The following TPX2 variants were observed in gnomAD, a reference collection of about 807,000 sequenced individuals.
TPX2 encodes the protein TPX2 microtubule nucleation factor, also known as targeting protein for Xklp2.
A neutral mutation model predicts 93.6 loss-of-function variants in TPX2; 21 were observed. That is an observed-to-expected ratio of 0.22 (90% confidence interval 0.16 to 0.32). The LOEUF (loss-of-function observed/expected upper bound fraction) is 0.32, where lower values mean the gene tolerates loss of function less well. TPX2 is among the 10% of genes least tolerant of loss of function. The pLI, the probability that TPX2 is intolerant of heterozygous loss-of-function variation, is 1.00. For synonymous variants in TPX2, 281 were observed against 298.3 expected, an observed-to-expected ratio of 0.94 and a Z score of 0.60; for missense variants, 776 against 871.1, an observed-to-expected ratio of 0.89 and a Z score of 1.37.
intron 12 of TPX2, among the ~76,000 whole-genome samples, chr20:31,787,638 A>T (rs1275781216): frequency 6.6e-6 from 1 of 152,148 alleles, no homozygotes; most frequent in East Asian, 1.9e-4. Context: ...AAAGGGGAAG[A>T]GATTTTGAAA....
At chr20:31,769,212 A>T (rs2061948280) in intron 5 of TPX2, among the ~76,000 whole-genome samples, 1 of 151,930 alleles carries the variant, frequency 6.6e-6, no homozygotes. Context: ...TAATAATAAA[A>T]AAAAAAAACC....
intron 12 of TPX2, among the ~76,000 whole-genome samples, chr20:31,787,053 G>A (rs955863970): frequency 2.0e-5 from 3 of 151,892 alleles, no homozygotes; most frequent in African/African-American, 7.3e-5. Context: ...CTGACACGCA[G>A]TAAGCAGGGG....
At chr20:31,782,889 TACACACACACACACAC>T (rs71926112) in intron 11 of TPX2, among the ~76,000 whole-genome samples, 15 of 142,662 alleles carry the variant, frequency 1.1e-4, no homozygotes, top group Admixed American at 4.2e-4. Flanking sequence ...CATACACACA[TACACACACACACACAC>T]ACACACACAC....
At chr20:31,779,267 G>T (rs1051054730) in intron 10 of TPX2, among the ~76,000 whole-genome samples, 2 of 152,006 alleles carry the variant, frequency 1.3e-5, no homozygotes, top group Non-Finnish European at 2.9e-5. Context: ...ACATTTTTTT[G>T]CCATGTGTCA....
rs1309926768 is a variant in TPX2 at position 31,792,793 on chromosome 20, T to C, written c.1472T>C (p.Leu491Ser). The C allele has an allele frequency of 6.2e-7, 1 of 1,614,108 alleles. No homozygotes were observed. The highest frequency in any genetic ancestry group is 1.3e-5 in the African/African-American group (1 of 74,942). ...GTCCCCAAGTCACCAGCCTTTGCAT[T>C]GAAGAACAGAATTCGAATGCCCACC... Reference protein sequence around the residue: ...ITVPKSPAFALKNRIRMPTKE... With the variant: ...ITVPKSPAFASKNRIRMPTKE... The change falls in exon 13 of 18, where the codon TTG becomes TCG. Residue 491 changes from leucine (L) to serine (S), a missense_variant. Around this residue, in one of 3 missense-constraint regions of TPX2, gnomAD observed 461 missense variants for 551.2 expected, o/e 0.84. Coordinates refer to ENST00000300403, the MANE Select transcript of TPX2 (RefSeq NM_012112.5).
chr20:31,742,174 CTTTT>C (rs538601587), intron 1 of TPX2, among the ~76,000 whole-genome samples: 4 of 126,366 alleles, frequency 3.2e-5, no homozygotes, highest in Admixed American at 7.9e-5. Context: ...AAAGTTTGCT[CTTTT>C]TTTTTTTTTT....
chr20:31,746,423 T>G lies in TPX2; in HGVS notation c.-71+3776T>G, dbSNP rs146189597. 5.1e-3 allele frequency among the ~76,000 whole-genome samples: 779 copies of G among 152,338 alleles called. 5 individuals are homozygous for G. Among genetic ancestry groups the G allele is most frequent in the Middle Eastern group, 0.017 (5 of 294 alleles). On this transcript the variant is annotated intron_variant, in intron 2 of 17. Coordinates refer to ENST00000300403, the MANE Select transcript of TPX2 (RefSeq NM_012112.5). ...TAATGTAACAGGATCTCTTATCCCT[T>G]GTGAAAGTAGGAGAGGATGTCCCTG...
intron 6 of TPX2, 59 bp from the exon 7 acceptor site, chr20:31,771,501 A>G: frequency 6.4e-7 from 1 of 1,559,040 alleles, no homozygotes; most frequent in Non-Finnish European, 8.6e-7. Context: ...TTTGGGGAGG[A>G]GGGTACAGGC....
Position 31,801,159 on chromosome 20 carries a change from A to G in TPX2, c.*79A>G, listed in dbSNP as rs536970509. The G allele has an allele frequency of 4.5e-6, 6 of 1,321,160 alleles. No individual in the cohort carries two copies. Among genetic ancestry groups the G allele is most frequent in the African/African-American group, 1.4e-5 (1 of 69,270 alleles). 81.8% of individuals were successfully genotyped at this position (1,321,160 alleles called of 1,614,324 possible). A position where few individuals can be genotyped will look rare whatever the true frequency, so the allele number is the denominator to read the frequency against. ...AAACCTAGGACCGTCTTGCTTTGTCATTGGGCATGGAGAGAACCCATTTCT... is the reference window on the plus strand; with the variant it reads ...AAACCTAGGACCGTCTTGCTTTGTCGTTGGGCATGGAGAGAACCCATTTCT... On this transcript the variant is annotated 3_prime_UTR_variant, in exon 18 of 18. Coordinates refer to ENST00000300403, the MANE Select transcript of TPX2 (RefSeq NM_012112.5).
chr20:31,795,844 A>G (rs772814894), intron 15 of TPX2, among the ~76,000 whole-genome samples: 1 of 152,154 alleles, frequency 6.6e-6, no homozygotes, highest in Non-Finnish European at 1.5e-5. Context: ...GCTGGAAAAA[A>G]TTTCCCCTGA....
intron 17 of TPX2, 139 bp from the exon 18 acceptor site, chr20:31,800,831 C>T (rs1245167923): frequency 1.4e-6 from 1 of 708,110 alleles, no homozygotes; most frequent in Non-Finnish European, 2.5e-6. Context: ...GCCCCCCAGG[C>T]CCCACTCCCC....
intron 4 of TPX2, 40 bp downstream of exon 4, chr20:31,760,219 G>A (rs772758011): frequency 1.9e-6 from 3 of 1,609,052 alleles, no homozygotes; most frequent in East Asian, 2.2e-5. Context: ...TGATAGAATG[G>A]TGGGACAGTG....
chr20:31,797,577 T>C (rs1452820886), intron 16 of TPX2, 62 bp downstream of exon 16: 1 of 1,401,354 alleles, frequency 7.1e-7, no homozygotes, highest in African/African-American at 1.4e-5. Context: ...AGTGGGATGC[T>C]GGAATTCAGT....
intron 7 of TPX2, among the ~76,000 whole-genome samples, chr20:31,774,468 A>G (rs2061983547): frequency 6.6e-6 from 1 of 151,576 alleles, no homozygotes. Flanking sequence ...CCTTGGTGAT[A>G]TTTTCCTTAC....
chr20:31,742,174 CTTT>C (rs538601587), intron 1 of TPX2, among the ~76,000 whole-genome samples: 11 of 126,364 alleles, frequency 8.7e-5, no homozygotes, highest in African/African-American at 9.4e-5. Flanking sequence ...AAAGTTTGCT[CTTT>C]TTTTTTTTTT....
rs957825928 is a variant in TPX2 at position 31,782,182 on chromosome 20, G to A, written c.1055-67G>A. The A allele has an allele frequency of 7.1e-6, 11 of 1,543,092 alleles. No homozygotes were observed. The Admixed American group carries it at 2.1e-4, about 29-fold the overall frequency. ...TTATCCCTCTCTGGGCTACATAGGT[G>A]AATCACCACTTACAAGTAAACTGGG... On this transcript the variant is annotated intron_variant, in intron 10 of 17. Transcript: ENST00000300403.
intron 12 of TPX2, among the ~76,000 whole-genome samples, chr20:31,787,651 G>A: frequency 6.6e-6 from 1 of 152,180 alleles, no homozygotes; most frequent in East Asian, 1.9e-4. Context: ...TTTTGAAAAG[G>A]TATGGGTAGG....
At chr20:31,755,037 T>C (rs1486641969) in intron 2 of TPX2, among the ~76,000 whole-genome samples, 1 of 152,140 alleles carries the variant, frequency 6.6e-6, no homozygotes, top group Non-Finnish European at 1.5e-5. Context: ...CAACCTCCGC[T>C]GCCTGCGTTC....
chr20:31,796,198 G>C (rs2062137919), intron 15 of TPX2, among the ~76,000 whole-genome samples: 1 of 152,148 alleles, frequency 6.6e-6, no homozygotes, highest in Non-Finnish European at 1.5e-5. Flanking sequence ...CCCATCACCT[G>C]GTTCTATAGT....
Sources: gnomAD v4.1 joint callset for allele counts (sites outside exome capture counted in the v4.1 genomes callset) on GRCh38, gnomAD v4.1.1 for gene constraint, gnomAD v4.1.1 regional missense constraint, MANE v1.5 for transcripts, NCBI Gene and HGNC (gene_info 2026-07-23, HGNC 2026-07-21) for gene names.